NELL1: variants seen among roughly 807,000 people sequenced by gnomAD.
NELL1 encodes protein kinase C-binding protein NELL1.
In NELL1, 76 loss-of-function variants were observed where a neutral mutation model predicts 107.4. The ratio of observed to expected loss-of-function variants is 0.71; its 90% CI spans 0.59 to 0.86. The LOEUF (loss-of-function observed/expected upper bound fraction) is 0.86. Ranked by LOEUF, NELL1 falls within the 40% of genes least tolerant of loss-of-function variation. The pLI is 0.00. For missense variants in NELL1, 1,024 were observed against 1,005.5 expected (o/e 1.02, Z -0.25); for synonymous variants, 353 against 341.2 (o/e 1.03, Z -0.38).
At chr11:21,257,136 G>A (rs1858789977) in intron 14 of NELL1, among the ~76,000 whole-genome samples, 1 of 151,974 alleles carries the variant, frequency 6.6e-6, no homozygotes, top group African/African-American at 2.4e-5. Context: ...AAGACCCAAG[G>A]AGATGTAGGG....
chr11:21,523,297 C>G (rs1364927220), intron 15 of NELL1, among the ~76,000 whole-genome samples: 1 of 152,034 alleles, frequency 6.6e-6, no homozygotes, highest in Non-Finnish European at 1.5e-5. Context: ...TTGGGTATTG[C>G]TTTTTACTAG....
chr11:20,759,649 G>T (rs1033791020), intron 2 of NELL1, among the ~76,000 whole-genome samples: 2 of 152,194 alleles, frequency 1.3e-5, no homozygotes, highest in Non-Finnish European at 2.9e-5. Context: ...ACTCTGGCCA[G>T]TTCAAGAAGC....
Position 21,459,983 on chromosome 11 carries a change from C to A in NELL1, c.1646-74391C>A, listed in dbSNP as rs553893928. Among the ~76,000 whole-genome samples the A allele has an allele frequency of 2.6e-4, 39 of 152,114 alleles. 1 individual carries two copies. The highest frequency in any genetic ancestry group is 1.5e-3 in the Admixed American group (23 of 15,256). ...CTTATGTTCAGAACATTGTCTGATG[C>A]ACAGTTAATGCTGAATGCCCACTTA... On this transcript the variant is annotated intron_variant, in intron 15 of 19. Transcript: ENST00000357134.
chr11:20,938,349 A>G (rs1850771502), intron 10 of NELL1, among the ~76,000 whole-genome samples: 1 of 152,188 alleles, frequency 6.6e-6, no homozygotes, highest in Non-Finnish European at 1.5e-5. Context: ...GCATTAAGCA[A>G]ATGCTGTATG....
chr11:21,161,697 A>C (rs1856374177), intron 13 of NELL1, among the ~76,000 whole-genome samples: 1 of 152,128 alleles, frequency 6.6e-6, no homozygotes, highest in Non-Finnish European at 1.5e-5. Flanking sequence ...AATTAATTTT[A>C]ATAGTACATT....
rs370256272 is a variant in NELL1 at position 21,356,196 on chromosome 11, T to C, written c.1550-14657T>C. ...AATATAAACATTTATTTATTCTGTC[T>C]CTTCTCTATGAGAATGTAAACCCAT... On this transcript the variant is annotated intron_variant, in intron 14 of 19. Coordinates refer to ENST00000357134, the MANE Select transcript of NELL1 (RefSeq NM_006157.5). 1.7e-3 allele frequency among the ~76,000 whole-genome samples: 252 copies of C among 152,326 alleles called. 7 individuals are homozygous for C. In the South Asian group the frequency reaches 0.051, roughly 31 times the overall value.
intron 11 of NELL1, among the ~76,000 whole-genome samples, chr11:20,954,779 C>T (rs2134207185): frequency 6.6e-6 from 1 of 152,292 alleles, no homozygotes; most frequent in Admixed American, 6.5e-5. Context: ...GAGTTTGTCT[C>T]ACCGGCCCTT....
At chr11:20,776,136 G>A (rs1465451187) in intron 2 of NELL1, among the ~76,000 whole-genome samples, 1 of 152,140 alleles carries the variant, frequency 6.6e-6, no homozygotes, top group Non-Finnish European at 1.5e-5. Context: ...ACAGTCCAGT[G>A]GGGAATAAAT....
intron 14 of NELL1, among the ~76,000 whole-genome samples, chr11:21,336,674 T>TATATATATACACACACAC (rs55720144): frequency 7.7e-6 from 1 of 130,526 alleles, no homozygotes; most frequent in Admixed American, 8.1e-5. Context: ...TATATATATA[T>TATATATATACACACACAC]ACACACACAC....
intron 14 of NELL1, among the ~76,000 whole-genome samples, chr11:21,307,757 A>C (rs1306005527): frequency 6.6e-6 from 1 of 151,996 alleles, no homozygotes; most frequent in African/African-American, 2.4e-5. Context: ...AAATTTATTT[A>C]TACTCTTTCA....
intron 10 of NELL1, among the ~76,000 whole-genome samples, chr11:20,939,373 TAGATAGAGA>T (rs1850799571): frequency 2.6e-5 from 4 of 151,730 alleles, no homozygotes; most frequent in Non-Finnish European, 5.9e-5. Context: ...GGCTTGATAC[TAGATAGAGA>T]CCAAAGAGTC....
intron 2 of NELL1, among the ~76,000 whole-genome samples, chr11:20,778,392 C>T (rs1017851200): frequency 2.0e-5 from 3 of 151,938 alleles, no homozygotes; most frequent in Non-Finnish European, 2.9e-5. Flanking sequence ...TCACTCTATA[C>T]ATCAGGGAAG....
At chr11:20,787,573 G>C (rs1856992685) in intron 3 of NELL1, among the ~76,000 whole-genome samples, 1 of 152,218 alleles carries the variant, frequency 6.6e-6, no homozygotes, top group African/African-American at 2.4e-5. Flanking sequence ...AGAAGATCCA[G>C]GTATGTGGTA....
chr11:21,348,141 G>T (rs1850725714), intron 14 of NELL1, among the ~76,000 whole-genome samples: 1 of 152,146 alleles, frequency 6.6e-6, no homozygotes, highest in Admixed American at 6.5e-5. Flanking sequence ...ATAAGATATG[G>T]CTTTCTAGAT....
At chr11:20,728,582 A>T (rs936989974) in intron 2 of NELL1, among the ~76,000 whole-genome samples, 15 of 144,300 alleles carry the variant, frequency 1.0e-4, no homozygotes, top group Admixed American at 2.7e-4. Flanking sequence ...TTCATTGCTT[A>T]TTTTTTTTTT....
Position 21,249,682 on chromosome 11 carries a change from C to A in NELL1, c.1549+20228C>A, listed in dbSNP as rs1613978. 1.8e-3 allele frequency among the ~76,000 whole-genome samples: 274 copies of A among 152,272 alleles called. 2 individuals carry two copies. The highest frequency in any genetic ancestry group is 6.3e-3 in the African/African-American group (262 of 41,554). ...AAACTGGTAAGGTCACAAATTGAAT[C>A]AAGGAAATGCATACAAATGTCTGCA... On this transcript the variant is annotated intron_variant, in intron 14 of 19. Coordinates refer to ENST00000357134, the MANE Select transcript of NELL1 (RefSeq NM_006157.5).
In NELL1 at chr11:21,503,180, C is replaced by G. The variant is rs141336601; in HGVS notation, c.1646-31194C>G. ...ACAAGCGTGAGCCACTGCACCCAGC[C>G]TAATAATTTCCTTTGTATACTTTGT... On this transcript the variant is annotated intron_variant, in intron 15 of 19. Coordinates refer to ENST00000357134, the MANE Select transcript of NELL1 (RefSeq NM_006157.5). 8.5e-5 allele frequency among the ~76,000 whole-genome samples: 13 copies of G among 152,292 alleles called. No homozygotes were observed. In the East Asian group the frequency reaches 2.5e-3, roughly 29 times the overall value.
At chr11:21,232,479 GAAGA>G (rs1858089375) in intron 14 of NELL1, among the ~76,000 whole-genome samples, 1 of 152,080 alleles carries the variant, frequency 6.6e-6, no homozygotes, top group Admixed American at 6.6e-5. Context: ...TAATAAAGAA[GAAGA>G]AAGAGGAGGA....
chr11:21,265,657 A>T (rs549935970), intron 14 of NELL1, among the ~76,000 whole-genome samples: 6 of 152,160 alleles, frequency 3.9e-5, no homozygotes, highest in African/African-American at 1.2e-4. Flanking sequence ...CTTGAAGAGT[A>T]TGTGTGTCTG....
Sources: gnomAD v4.1 joint callset for allele counts (sites outside exome capture counted in the v4.1 genomes callset) on GRCh38, gnomAD v4.1.1 for gene constraint, MANE v1.5 for transcripts, NCBI Gene and HGNC (gene_info 2026-07-23, HGNC 2026-07-21) for gene names.